FMNL2: variants seen among roughly 807,000 people sequenced by gnomAD.
FMNL2 encodes the protein formin like 2.
In FMNL2, 51 loss-of-function variants were observed where a neutral mutation model predicts 130.2. That is an observed-to-expected ratio of 0.39 (90% CI 0.31 to 0.49). FMNL2 has a LOEUF of 0.49. FMNL2 is among the 20% of genes least tolerant of loss of function. The probability of loss-of-function intolerance (pLI) is 0.85; values close to 1 mark genes in which losing one functional copy is unlikely to be tolerated. For synonymous variants in FMNL2, 465 were observed against 467.1 expected, an observed-to-expected ratio of 1.00 and a Z score of 0.06; for missense variants, 977 against 1,316.2, an observed-to-expected ratio of 0.74 and a Z score of 3.99.
At chr2:152,647,713 T>C in intron 25 of FMNL2, 83 bp from the exon 26 acceptor site, 2 of 1,309,566 alleles carry the variant, frequency 1.5e-6, no homozygotes, top group Non-Finnish European at 2.2e-6. Context: ...GCTGCTTTGA[T>C]TGGCTGCCAG....
chr2:152,528,664 A>G (rs1232181110), intron 2 of FMNL2, among the ~76,000 whole-genome samples: 1 of 152,204 alleles, frequency 6.6e-6, no homozygotes, highest in East Asian at 1.9e-4. Flanking sequence ...ACAAATGGTT[A>G]TACTCACTGG....
At chr2:152,458,427 C>G (rs1348900324) in intron 1 of FMNL2, among the ~76,000 whole-genome samples, 1 of 152,214 alleles carries the variant, frequency 6.6e-6, no homozygotes, top group Non-Finnish European at 1.5e-5. Flanking sequence ...GTTGACTGCA[C>G]ATTTCTGACT....
At chr2:152,352,431 G>A (rs906801611) in intron 1 of FMNL2, among the ~76,000 whole-genome samples, 3 of 152,122 alleles carry the variant, frequency 2.0e-5, no homozygotes, top group South Asian at 2.1e-4. Context: ...CAAATTTCTC[G>A]ACTCAAAAGC....
chr2:152,439,836 T>C (rs1441356149), intron 1 of FMNL2, among the ~76,000 whole-genome samples: 2 of 149,142 alleles, frequency 1.3e-5, no homozygotes, highest in Non-Finnish European at 3.0e-5. Flanking sequence ...GGCATCAGCA[T>C]TTACCCGTTT....
intron 1 of FMNL2, among the ~76,000 whole-genome samples, chr2:152,516,372 ATTAT>A (rs1692772138): frequency 6.6e-6 from 1 of 152,060 alleles, no homozygotes; most frequent in African/African-American, 2.4e-5. Context: ...CTGTATCTCT[ATTAT>A]TTAAGAGCTC....
intron 2 of FMNL2, among the ~76,000 whole-genome samples, chr2:152,529,762 G>A (rs1015396823): frequency 6.6e-6 from 1 of 152,154 alleles, no homozygotes; most frequent in South Asian, 2.1e-4. Context: ...AGAGATTGGA[G>A]TCAGGGGAGA....
intron 1 of FMNL2, among the ~76,000 whole-genome samples, chr2:152,371,396 C>T (rs544500372): frequency 3.3e-5 from 5 of 152,194 alleles, no homozygotes; most frequent in Admixed American, 2.0e-4. Flanking sequence ...CCCTGCTGGG[C>T]GCGGTGGCTC....
chr2:152,597,399 G>T (rs1453897829), intron 9 of FMNL2, among the ~76,000 whole-genome samples: 1 of 152,148 alleles, frequency 6.6e-6, no homozygotes, highest in African/African-American at 2.4e-5. Context: ...ACTTCAATAT[G>T]CGGCAGAAAT....
At chr2:152,630,572 G>A (rs1269526337) in intron 20 of FMNL2, among the ~76,000 whole-genome samples, 6 of 152,178 alleles carry the variant, frequency 3.9e-5, no homozygotes, top group African/African-American at 1.2e-4. Context: ...CAGGCCTAAC[G>A]TGATTGTCAC....
intron 1 of FMNL2, among the ~76,000 whole-genome samples, chr2:152,500,924 A>G (rs1223155026): frequency 6.6e-6 from 1 of 152,246 alleles, no homozygotes; most frequent in Non-Finnish European, 1.5e-5. Flanking sequence ...TTGACACAAA[A>G]GGGAGTGGTG....
At chr2:152,336,880 TTTC>T (rs1681498273) in intron 1 of FMNL2, among the ~76,000 whole-genome samples, 1 of 152,196 alleles carries the variant, frequency 6.6e-6, no homozygotes, top group African/African-American at 2.4e-5. Context: ...GCCTGCGGGT[TTTC>T]TTTTCTTCTT....
chr2:152,391,130 A>T (rs915170223), intron 1 of FMNL2, among the ~76,000 whole-genome samples: 19 of 152,182 alleles, frequency 1.2e-4, no homozygotes, highest in African/African-American at 4.3e-4. Context: ...GAGCTTCCCG[A>T]ACTTCCAACT....
intron 1 of FMNL2, among the ~76,000 whole-genome samples, chr2:152,354,136 G>A (rs1682662003): frequency 6.6e-6 from 1 of 152,196 alleles, no homozygotes; most frequent in East Asian, 1.9e-4. Context: ...GGAAGTGCTA[G>A]TGTTTTCATA....
intron 25 of FMNL2, among the ~76,000 whole-genome samples, chr2:152,646,766 T>C (rs987880152): frequency 6.6e-6 from 1 of 152,178 alleles, no homozygotes; most frequent in Non-Finnish European, 1.5e-5. Context: ...CAATACTAAG[T>C]TAATGAAAGG....
intron 3 of FMNL2, among the ~76,000 whole-genome samples, chr2:152,546,359 G>A (rs2577176): frequency 0.28 from 43,135 of 151,844 alleles, 6,729 homozygotes; most frequent in African/African-American, 0.4. Context: ...AAGGGGGAGC[G>A]GGTGTGTCAC....
chr2:152,453,156 C>G (rs1688741689), intron 1 of FMNL2, among the ~76,000 whole-genome samples: 1 of 149,722 alleles, frequency 6.7e-6, no homozygotes. Flanking sequence ...AAGCCAAGAT[C>G]GCACCAGTAC....
chr2:152,481,944 T>C (rs1690551143), intron 1 of FMNL2, among the ~76,000 whole-genome samples: 3 of 152,200 alleles, frequency 2.0e-5, no homozygotes, highest in African/African-American at 7.2e-5. Flanking sequence ...GCCTCTTAAA[T>C]CACACTGCCT....
intron 2 of FMNL2, among the ~76,000 whole-genome samples, chr2:152,541,482 AT>A (rs1360459850): frequency 6.6e-6 from 1 of 152,204 alleles, no homozygotes; most frequent in Non-Finnish European, 1.5e-5. Flanking sequence ...GAGAACCAGC[AT>A]AGTAAGTAGT....
At chr2:152,609,987 A>T (rs1008871201) in intron 10 of FMNL2, among the ~76,000 whole-genome samples, 2 of 152,170 alleles carry the variant, frequency 1.3e-5, no homozygotes, top group African/African-American at 4.8e-5. Context: ...CCTTTTATTT[A>T]CCAAACCAGG....
Sources: allele counts gnomAD v4.1 joint callset (sites outside exome capture counted in the v4.1 genomes callset), GRCh38; gene constraint gnomAD v4.1.1; transcripts MANE v1.5; gene names NCBI Gene and HGNC (gene_info 2026-07-23, HGNC 2026-07-21).